The following B4GALNT4 variants were observed in gnomAD, a reference collection of about 807,000 sequenced individuals.
B4GALNT4 encodes N-acetyl-beta-glucosaminyl-glycoprotein 4-beta-N-acetylgalactosaminyltransferase 1.
B4GALNT4 carries 77 observed loss-of-function variants against 110.0 expected under a neutral mutation model. The ratio of observed to expected loss-of-function variants is 0.70; its 90% confidence interval spans 0.58 to 0.85. The LOEUF is 0.85. B4GALNT4 is among the 40% of genes least tolerant of loss of function. B4GALNT4 has a pLI of 0.00. For synonymous variants in B4GALNT4, 785 were observed against 655.5 expected, an observed-to-expected ratio of 1.20 and a Z score of -3.02; for missense variants, 1,575 against 1,506.0, an observed-to-expected ratio of 1.05 and a Z score of -0.76.
At chr11:373,881 C>T in intron 8 of B4GALNT4, 53 bp downstream of exon 8, 1 of 1,567,562 alleles carries the variant, frequency 6.4e-7, no homozygotes, top group Admixed American at 1.7e-5. Flanking sequence ...CCCCCACCTC[C>T]CTGCAGGACA....
Position 369,738 on chromosome 11 carries a change from G to A in B4GALNT4, c.-66G>A. On this transcript the variant is annotated 5_prime_UTR_variant, in exon 1 of 20. Coordinates refer to ENST00000329962, the MANE Select transcript of B4GALNT4 (RefSeq NM_178537.5). ...GGGCGGGCCGGGGATGCGGCGCGGG[G>A]CGGGCGGGGGCCGGGGGCTGCAGCG... The A allele has an allele frequency of 3.7e-6, 3 of 819,472 alleles. No homozygotes were observed. Among genetic ancestry groups the A allele is most frequent in the Non-Finnish European group, 4.4e-6 (3 of 682,690 alleles). The allele number at this position is 819,472 out of a possible 1,614,324, so 50.8% of individuals were successfully genotyped here.
At position 379,734 on chromosome 11, in the gene B4GALNT4, C is replaced by T. The variant is rs748588060; in HGVS notation, c.2488+33C>T. 4.5e-5 allele frequency: 67 copies of T among 1,500,652 alleles called. No individual in the cohort carries two copies. In the South Asian group the frequency reaches 7.4e-4, roughly 17 times the overall value. The allele number at this position is 1,500,652 out of a possible 1,614,324, so 93.0% of individuals were successfully genotyped here. A position where few individuals can be genotyped will look rare whatever the true frequency, so the allele number is the denominator to read the frequency against. On this transcript the variant is annotated intron_variant, in intron 15 of 19. Coordinates refer to ENST00000329962, the MANE Select transcript of B4GALNT4 (RefSeq NM_178537.5). ...GGGCGGGCTCGGGGTGTCCGGGAGA[C>T]CTCGTGGAAGGAACATGGACCCTAA... is the stretch of plus-strand genomic sequence containing the variant.
At chr11:372,020 TG>T in intron 1 of B4GALNT4, 88 bp from the exon 2 acceptor site, 1 of 1,055,920 alleles carries the variant, frequency 9.5e-7, no homozygotes, top group Non-Finnish European at 1.4e-6. Flanking sequence ...TCTGGCCATG[TG>T]GGTCCCTGGC....
At chr11:379,397 G>T in intron 14 of B4GALNT4, 21 bp from the exon 15 acceptor site, 1 of 1,475,634 alleles carries the variant, frequency 6.8e-7, no homozygotes, top group Non-Finnish European at 8.9e-7. Flanking sequence ...CCCAGTACCG[G>T]CTGACCGCTG....
At position 376,148 on chromosome 11, in the gene B4GALNT4, C is replaced by G; in HGVS notation, c.1170C>G (p.Tyr390Ter). Residue 390 changes from tyrosine to a stop codon, truncating the protein, a stop_gained, in exon 12 of 20, where the codon TAC becomes TAG. Coordinates refer to ENST00000329962, the MANE Select transcript of B4GALNT4 (RefSeq NM_178537.5). LOFTEE classifies it high-confidence loss of function. ...THMETDNKCF[Y>*]RESPLYLERF... ...TGGAGACGGACAACAAGTGCTTCTA[C>G]CGCGAGTCTCCGCTGTATCTGGAGA... The G allele has an allele frequency of 6.2e-7, 1 of 1,603,308 alleles. No individual in the cohort carries two copies.
At chr11:373,420 A>G (rs112956220) in intron 6 of B4GALNT4, 29 bp from the exon 7 acceptor site, 31 of 789,300 alleles carry the variant, frequency 3.9e-5, no homozygotes, top group African/African-American at 1.4e-4. Context: ...CCCCCCCCCC[A>G]CCACCACCCC....
At chr11:372,263 G>A in intron 2 of B4GALNT4, 51 bp downstream of exon 2, 2 of 1,503,492 alleles carry the variant, frequency 1.3e-6, no homozygotes, top group South Asian at 1.2e-5. Flanking sequence ...AGACCCCGAA[G>A]CCACTTGTGT....
chr11:377,469 C>A (rs990116817), intron 14 of B4GALNT4, 142 bp downstream of exon 14: 28 of 920,668 alleles, frequency 3.0e-5, no homozygotes, highest in Admixed American at 1.2e-4. Flanking sequence ...CACCGCGCCC[C>A]ACCCCAGGGA....
At chr11:378,597 C>T (rs1048337857) in intron 14 of B4GALNT4, among the ~76,000 whole-genome samples, 1 of 152,132 alleles carries the variant, frequency 6.6e-6, no homozygotes, top group Non-Finnish European at 1.5e-5. Flanking sequence ...AGGTGGGCGT[C>T]CCCCAGTGAA....
chr11:369,550 GCGCGGAGCCGGGAGCGGC>G lies in B4GALNT4; in HGVS notation c.-251_-234del, dbSNP rs1230250492. Among the ~76,000 whole-genome samples, 1 of 143,822 alleles carries G rather than the reference GCGCGGAGCCGGGAGCGGC, an allele frequency of 7.0e-6. No homozygotes were observed. The highest frequency in any genetic ancestry group is 2.1e-4 in the East Asian group (1 of 4,856). The allele number at this position is 143,822 out of a possible 152,430, so 94.4% of individuals were successfully genotyped here. ...GTTCGGTCCCGCCGCCGCCCCAGGA[GCGCGGAGCCGGGAGCGGC>G]CGGGCGGGGGGCACCGCGAGGAGCC... On this transcript the variant is annotated 5_prime_UTR_variant, in exon 1 of 20. Transcript: ENST00000329962.
chr11:375,957 G>C lies in B4GALNT4; in HGVS notation c.1095+1G>C. 1 of 1,611,274 alleles carries C rather than the reference G, an allele frequency of 6.2e-7. No homozygotes were observed. The highest frequency in any genetic ancestry group is 8.5e-7 in the Non-Finnish European group (1 of 1,179,260). On this transcript the variant is annotated splice_donor_variant, in intron 11 of 19. Transcript: ENST00000329962. LOFTEE classifies it high-confidence loss of function. ...CGCCAGATACCAGGGCCTGCAATTT[G>C]TGAGTGCGGCTGGAGACCCCGTCTC...
In B4GALNT4 at chr11:376,822, G is replaced by T; in HGVS notation, c.1699G>T (p.Ala567Ser). 1 of 1,350,818 alleles carries T rather than the reference G, an allele frequency of 7.4e-7. No individual in the cohort carries two copies. The highest frequency in any genetic ancestry group is 9.5e-7 in the Non-Finnish European group (1 of 1,049,838). The allele number at this position is 1,350,818 out of a possible 1,614,324, so 83.7% of individuals were successfully genotyped here. ...PRPLPRVQLR[A>S]PPRPPRPHGR... ...GCCTCTGCCCAGAGTGCAGCTGCGG[G>T]CGCCCCCACGCCCACCCCGGCCCCA... is the stretch of plus-strand genomic sequence containing the variant. The change falls in exon 14 of 20, where the codon GCG becomes TCG. Residue 567 changes from alanine to serine, a missense_variant. By Grantham distance (99) the Ala-to-Ser change is moderately conservative (BLOSUM62 1). Transcript: ENST00000329962.
Position 379,488 on chromosome 11 carries a change from C to T in B4GALNT4, c.2275C>T (p.Leu759=). ...RDSARGSRFL[L]ELELQERGGG... is the part of the protein sequence containing the mutation. The stretch of plus-strand genomic sequence containing the variant: ...CTCGGCGCGAGGGAGTCGCTTCCTG[C>T]TGGAGCTGGAGCTGCAGGAGCGCGG... Residue 759 remains leucine (L), a synonymous_variant, in exon 15 of 20, where the codon CTG becomes TTG. Transcript: ENST00000329962. 6.4e-7 allele frequency: 1 copy of T among 1,573,386 alleles called. No homozygotes were observed. The highest frequency in any genetic ancestry group is 8.6e-7 in the Non-Finnish European group (1 of 1,166,496).
intron 1 of B4GALNT4, 43 bp from the exon 2 acceptor site, chr11:372,066 G>C: frequency 3.3e-6 from 5 of 1,504,858 alleles, no homozygotes; most frequent in Non-Finnish European, 4.5e-6. Flanking sequence ...AATGGCCTTG[G>C]AGAGAGCCTG....
chr11:372,345 C>G lies in B4GALNT4; in HGVS notation c.255+133C>G, dbSNP rs112214988. The G allele has an allele frequency of 1.5e-4, 121 of 818,242 alleles. No individual in the cohort carries two copies. In the East Asian group the frequency reaches 3.2e-3, roughly 22 times the overall value. The allele number at this position is 818,242 out of a possible 1,614,324, so 50.7% of individuals were successfully genotyped here. A position where few individuals can be genotyped will look rare whatever the true frequency, so the allele number is the denominator to read the frequency against. ...CATGAGACACAGGACATGTGGGGCA[C>G]GGCACAGCTTGTCTGTGTGAGCTCC... On this transcript the variant is annotated intron_variant, in intron 2 of 19. Transcript: ENST00000329962.
chr11:377,135 C>G lies in B4GALNT4; in HGVS notation c.2012C>G (p.Ala671Gly). The part of the protein sequence containing the change: ...SEDSEEAAGP[A>G]LGRWREDAID... The stretch of plus-strand genomic sequence containing the variant: ...GACAGCGAGGAGGCCGCGGGCCCGG[C>G]GCTCGGACGCTGGCGTGAGGACGCC... The change falls in exon 14 of 20, where the codon GCG becomes GGG. Residue 671 changes from alanine to glycine, a missense_variant. Ala to Gly is a moderately conservative substitution (Grantham distance 60). Transcript: ENST00000329962. The G allele has an allele frequency of 6.6e-7, 1 of 1,515,342 alleles. No individual in the cohort carries two copies. The highest frequency in any genetic ancestry group is 1.2e-5 in the South Asian group (1 of 80,170). 93.9% of individuals were successfully genotyped at this position (1,515,342 alleles called of 1,614,324 possible). A position where few individuals can be genotyped will look rare whatever the true frequency, so the allele number is the denominator to read the frequency against.
chr11:378,413 G>A (rs953918030), intron 14 of B4GALNT4, among the ~76,000 whole-genome samples: 3 of 152,150 alleles, frequency 2.0e-5, no homozygotes, highest in Non-Finnish European at 2.9e-5. Flanking sequence ...TTTCTTGGGG[G>A]CCTCATGGGA....
At position 372,166 on chromosome 11, in the gene B4GALNT4, C is replaced by T; in HGVS notation, c.209C>T (p.Thr70Ile). 6.5e-7 allele frequency: 1 copy of T among 1,550,106 alleles called. No homozygotes were observed. The highest frequency in any genetic ancestry group is 8.7e-7 in the Non-Finnish European group (1 of 1,146,840). ...DGRGVHAAPS[T>I]QRAEDSSESR... ...CGGGGGGTCCACGCTGCGCCATCCA[C>T]ACAGAGGGCTGAGGACTCCAGTGAG... The change falls in exon 2 of 20, where the codon ACA becomes ATA. Residue 70 changes from threonine to isoleucine, a missense_variant. Coordinates refer to ENST00000329962, the MANE Select transcript of B4GALNT4 (RefSeq NM_178537.5).
chr11:381,271 A>G (rs916323658), intron 19 of B4GALNT4: 49 of 462,268 alleles, frequency 1.1e-4, no homozygotes, highest in Non-Finnish European at 1.3e-4. Flanking sequence ...TGACACCCCC[A>G]GCCCCTGGAC....
Sources: gnomAD v4.1 joint callset for allele counts (sites outside exome capture counted in the v4.1 genomes callset) on GRCh38, gnomAD v4.1.1 for gene constraint, MANE v1.5 for transcripts, NCBI Gene and HGNC (gene_info 2026-07-23, HGNC 2026-07-21) for gene names.